Variants in MNAT1 observed in about 807,000 individuals in gnomAD.
MNAT1 encodes MNAT1 component of CDK activating kinase, also known as CDK-activating kinase assembly factor MAT1.
In MNAT1, 43 loss-of-function variants were observed where a neutral mutation model predicts 42.0. That is an observed-to-expected ratio of 1.02 (90% CI 0.80 to 1.32). The LOEUF (loss-of-function observed/expected upper bound fraction) is 1.32, where lower values mean the gene tolerates loss of function less well. Ranked by LOEUF, MNAT1 falls within the 40% of genes most tolerant of loss-of-function variation. The pLI is 0.00. For missense variants in MNAT1, 306 were observed against 350.4 expected (o/e 0.87, Z 1.01); for synonymous variants, 118 against 120.0 (o/e 0.98, Z 0.11).
intron 1 of MNAT1, among the ~76,000 whole-genome samples, chr14:60,786,833 A>G (rs1419075907): frequency 6.6e-6 from 1 of 152,216 alleles, no homozygotes; most frequent in Non-Finnish European, 1.5e-5. Flanking sequence ...TGGAAAAGGG[A>G]TAAGCATTTT....
rs569725698 is a variant in MNAT1, at chr14:60,920,453, T to G, written c.809+40618T>G. On this transcript the variant is annotated intron_variant, in intron 7 of 7. Coordinates refer to ENST00000261245, the MANE Select transcript of MNAT1 (RefSeq NM_002431.4). Reference sequence around the variant, plus strand: ...TTGATTTTTTTTGGGACAGTCTCGCTCCGTCGCCCAGGCTGGAGTGCAGTG... The same window carrying G: ...TTGATTTTTTTTGGGACAGTCTCGCGCCGTCGCCCAGGCTGGAGTGCAGTG... Among the ~76,000 whole-genome samples the G allele has an allele frequency of 1.7e-4, 26 of 152,240 alleles. No individual in the cohort carries two copies. The East Asian group carries it at 4.6e-3, about 27-fold the overall frequency.
At chr14:60,830,678 GT>G (rs1378471753) in intron 6 of MNAT1, among the ~76,000 whole-genome samples, 1 of 152,002 alleles carries the variant, frequency 6.6e-6, no homozygotes, top group Non-Finnish European at 1.5e-5. Flanking sequence ...GTTAACTGTG[GT>G]TTTTGTGTTA....
intron 7 of MNAT1, among the ~76,000 whole-genome samples, chr14:60,902,956 T>A (rs576055142): frequency 6.6e-5 from 10 of 151,846 alleles, no homozygotes; most frequent in East Asian, 5.8e-4. Context: ...TGAAAAAAAA[T>A]TTTTTTTCTT....
intron 1 of MNAT1, among the ~76,000 whole-genome samples, chr14:60,741,907 T>C (rs141376214): frequency 4.5e-4 from 68 of 152,050 alleles, no homozygotes; most frequent in Non-Finnish European, 9.0e-4. Context: ...TGCCTTTTAA[T>C]TGGTGTACTA....
intron 7 of MNAT1, among the ~76,000 whole-genome samples, chr14:60,900,399 T>C (rs1364683958): frequency 6.6e-6 from 1 of 152,084 alleles, no homozygotes; most frequent in Non-Finnish European, 1.5e-5. Flanking sequence ...TGGAGAAAGT[T>C]TTAGTGGTCT....
chr14:60,927,881 A>G (rs2035798450), intron 7 of MNAT1, among the ~76,000 whole-genome samples: 1 of 152,210 alleles, frequency 6.6e-6, no homozygotes, highest in Non-Finnish European at 1.5e-5. Flanking sequence ...ATAACAGGTC[A>G]AGAGAGAGAC....
chr14:60,935,264 C>T (rs2035969547), intron 7 of MNAT1, among the ~76,000 whole-genome samples: 1 of 151,804 alleles, frequency 6.6e-6, no homozygotes, highest in Non-Finnish European at 1.5e-5. Flanking sequence ...CCTCTCTCCC[C>T]CTCTCTTTTT....
At chr14:60,901,268 C>G (rs538155042) in intron 7 of MNAT1, among the ~76,000 whole-genome samples, 13 of 152,136 alleles carry the variant, frequency 8.5e-5, no homozygotes, top group African/African-American at 3.1e-4. Context: ...TATTTGAAGC[C>G]CACTCTTGAG....
At chr14:60,737,784 C>G (rs1896345966) in intron 1 of MNAT1, among the ~76,000 whole-genome samples, 1 of 151,798 alleles carries the variant, frequency 6.6e-6, no homozygotes, top group African/African-American at 2.4e-5. Context: ...ACCTGTAATC[C>G]TAGCTACTTG....
chr14:60,890,515 A>C (rs186884115), intron 7 of MNAT1, among the ~76,000 whole-genome samples: 3 of 152,150 alleles, frequency 2.0e-5, no homozygotes, highest in African/African-American at 7.2e-5. Flanking sequence ...AAGCCCCACT[A>C]TACACCATCT....
chr14:60,770,704 A>C (rs1323446818), intron 1 of MNAT1, among the ~76,000 whole-genome samples: 2 of 152,134 alleles, frequency 1.3e-5, no homozygotes, highest in Non-Finnish European at 1.5e-5. Flanking sequence ...TTTTTTAGGA[A>C]TCTTCATACT....
intron 7 of MNAT1, among the ~76,000 whole-genome samples, chr14:60,929,884 A>C (rs1479306516): frequency 6.6e-6 from 1 of 152,146 alleles, no homozygotes; most frequent in African/African-American, 2.4e-5. Context: ...TCTGATTCCC[A>C]AGCCATGAAA....
At position 60,778,612 on chromosome 14, in the gene MNAT1, T is replaced by C. The variant is rs183259938; in HGVS notation, c.90-17605T>C. Among the ~76,000 whole-genome samples, 132 of 152,330 alleles carry C rather than the reference T, an allele frequency of 8.7e-4. 1 individual carries two copies. The highest frequency in any genetic ancestry group is 1.6e-3 in the Non-Finnish European group (106 of 68,036). On this transcript the variant is annotated intron_variant, in intron 1 of 7. Coordinates refer to ENST00000261245, the MANE Select transcript of MNAT1 (RefSeq NM_002431.4). ...CACTAATACGGGATCTTGAGTAATA[T>C]TGTCTCTTACCAAGAGTCGCACTTT...
At chr14:60,745,239 G>A (rs555513436) in intron 1 of MNAT1, among the ~76,000 whole-genome samples, 323 of 152,268 alleles carry the variant, frequency 2.1e-3, no homozygotes, top group African/African-American at 7.5e-3. Context: ...TGTCCTGCCT[G>A]TTGTCTAATG....
At chr14:60,798,347 CTA>C (rs2032087793) in intron 3 of MNAT1, among the ~76,000 whole-genome samples, 187 bp downstream of exon 3, 1 of 152,076 alleles carries the variant, frequency 6.6e-6, no homozygotes, top group African/African-American at 2.4e-5. Flanking sequence ...AGTAAAGAAC[CTA>C]TTTAATATTG....
At chr14:60,823,577 G>A (rs1348325360) in intron 6 of MNAT1, among the ~76,000 whole-genome samples, 1 of 152,044 alleles carries the variant, frequency 6.6e-6, no homozygotes, top group Admixed American at 6.6e-5. Flanking sequence ...TGTACTTGTG[G>A]GCTGGGCATG....
intron 6 of MNAT1, among the ~76,000 whole-genome samples, chr14:60,871,148 A>G (rs2034315877): frequency 6.6e-6 from 1 of 152,226 alleles, no homozygotes; most frequent in African/African-American, 2.4e-5. Context: ...TCATATTCAT[A>G]CTATATGAAT....
At chr14:60,929,166 A>ATAT (rs1355535249) in intron 7 of MNAT1, among the ~76,000 whole-genome samples, 36 of 106,624 alleles carry the variant, frequency 3.4e-4, no homozygotes, top group African/African-American at 1.2e-3. Context: ...AAAAAAAAAA[A>ATAT]AAAAATATAT....
chr14:60,763,427 C>T (rs2030691228), intron 1 of MNAT1, among the ~76,000 whole-genome samples: 2 of 151,840 alleles, frequency 1.3e-5, no homozygotes, highest in Admixed American at 1.3e-4. Context: ...CAGAGAATAT[C>T]TAGTCCATAT....
Sources: allele counts gnomAD v4.1 joint callset (sites outside exome capture counted in the v4.1 genomes callset), GRCh38; gene constraint gnomAD v4.1.1; transcripts MANE v1.5; gene names NCBI Gene and HGNC (gene_info 2026-07-23, HGNC 2026-07-21).